The following MINPP1 variants were observed in gnomAD, a reference collection of about 807,000 sequenced individuals.
MINPP1 encodes multiple inositol polyphosphate phosphatase 1.
Under a neutral mutation model 46.1 loss-of-function variants are expected in MINPP1, and 28 were observed. The ratio of observed to expected loss-of-function variants is 0.61; its 90% CI spans 0.45 to 0.83. The LOEUF (loss-of-function observed/expected upper bound fraction) is 0.83. Among genes scored for constraint, MINPP1 ranks in the 40% least tolerant of loss-of-function variants. The pLI, the probability that MINPP1 is intolerant of heterozygous loss-of-function variation, is 0.00. For synonymous variants in MINPP1, 268 were observed against 249.1 expected (o/e 1.08, Z -0.72); for missense variants, 603 against 610.0 (o/e 0.99, Z 0.12).
intron 4 of MINPP1, among the ~76,000 whole-genome samples, chr10:87,541,418 T>G (rs1283931444): frequency 6.6e-6 from 1 of 152,230 alleles, no homozygotes; most frequent in African/African-American, 2.4e-5. Context: ...CCTGAAAAAT[T>G]ATTGGCTAAG....
intron 4 of MINPP1, among the ~76,000 whole-genome samples, chr10:87,529,208 C>T (rs1851622101): frequency 6.6e-6 from 1 of 152,142 alleles, no homozygotes; most frequent in Admixed American, 6.5e-5. Flanking sequence ...AGCCCATTTA[C>T]ATTTAAGGTT....
intron 3 of MINPP1, among the ~76,000 whole-genome samples, chr10:87,518,103 G>T (rs1287032553): frequency 1.3e-5 from 2 of 151,830 alleles, no homozygotes; most frequent in East Asian, 3.9e-4. Flanking sequence ...GGGATTACAG[G>T]CACCCGCCAC....
intron 4 of MINPP1, among the ~76,000 whole-genome samples, chr10:87,524,714 T>C (rs1438345901): frequency 6.6e-6 from 1 of 152,162 alleles, no homozygotes; most frequent in African/African-American, 2.4e-5. Context: ...ATTTCAGTAT[T>C]ATATCTCAGG....
intron 3 of MINPP1, among the ~76,000 whole-genome samples, chr10:87,513,984 C>T (rs554438425): frequency 3.9e-5 from 6 of 152,080 alleles, no homozygotes; most frequent in Admixed American, 2.0e-4. Flanking sequence ...AGACTTCTGA[C>T]GGGTACATCT....
intron 2 of MINPP1, among the ~76,000 whole-genome samples, chr10:87,509,000 G>A (rs1469367770): frequency 1.3e-5 from 2 of 152,164 alleles, no homozygotes; most frequent in Non-Finnish European, 2.9e-5. Flanking sequence ...TAGCAATGCT[G>A]AGAAGATGAG....
At chr10:87,547,004 G>A (rs1159928302) in intron 4 of MINPP1, among the ~76,000 whole-genome samples, 1 of 152,132 alleles carries the variant, frequency 6.6e-6, no homozygotes, top group Non-Finnish European at 1.5e-5. Context: ...TTGCCAAATT[G>A]CATGTTGCTG....
At chr10:87,508,043 C>G in intron 1 of MINPP1, 1 of 1,411,524 alleles carries the variant, frequency 7.1e-7, no homozygotes. Flanking sequence ...CCGTGCCTGA[C>G]AGAAACAGTA....
chr10:87,507,783 C>G (rs1851274324), intron 1 of MINPP1: 1 of 971,948 alleles, frequency 1.0e-6, no homozygotes. Context: ...AAAAGATAAA[C>G]CAATTCACAG....
chr10:87,505,263 T>A lies in MINPP1; in HGVS notation c.348T>A (p.Asp116Glu). 1 of 1,612,112 alleles carries A rather than the reference T, an allele frequency of 6.2e-7. No homozygotes were observed. Among genetic ancestry groups the A allele is most frequent in the Non-Finnish European group, 8.5e-7 (1 of 1,178,764 alleles). ...TGCTGCAGGCCCGCGGGTCCAGGGATGGCGGGGCTAGTAGTACCGGCAGCC... is the reference window on the plus strand; with the variant it reads ...TGCTGCAGGCCCGCGGGTCCAGGGAAGGCGGGGCTAGTAGTACCGGCAGCC... ...HGLLQARGSR[D>E]GGASSTGSRD... Residue 116 changes from aspartate to glutamate, a missense_variant, in exon 1 of 5, where the codon GAT becomes GAA. Physicochemically the swap from Asp to Glu is conservative, Grantham distance 45. This residue lies in a region of MINPP1 where 239 missense variants were observed against 189.4 expected (regional missense o/e 1.26). Transcript: ENST00000371996. The surrounding 1 kb of genome is among the most constrained non-coding windows in gnomAD (Gnocchi z 4.4).
In MINPP1 at chr10:87,534,121, C is replaced by T. The variant is rs578026290; in HGVS notation, c.1067+12952C>T. ...AGGCTGGAGTGCAGTGACATCGTCTCGGCTCACTGCAACCTCTACCTCCCA... is the reference window on the plus strand; with the variant it reads ...AGGCTGGAGTGCAGTGACATCGTCTTGGCTCACTGCAACCTCTACCTCCCA... On this transcript the variant is annotated intron_variant, in intron 4 of 4. Transcript: ENST00000371996. 7.2e-5 allele frequency among the ~76,000 whole-genome samples: 10 copies of T among 139,800 alleles called. No individual in the cohort carries two copies. In the East Asian group the frequency reaches 2.2e-3, roughly 30 times the overall value. 91.7% of individuals were successfully genotyped at this position (139,800 alleles called of 152,430 possible). A position where few individuals can be genotyped will look rare whatever the true frequency, so the allele number is the denominator to read the frequency against.
intron 4 of MINPP1, among the ~76,000 whole-genome samples, chr10:87,549,873 T>C (rs1323529886): frequency 6.6e-6 from 1 of 152,242 alleles, no homozygotes; most frequent in Non-Finnish European, 1.5e-5. Flanking sequence ...CCAGTATATT[T>C]ATATTACTTG....
intron 4 of MINPP1, among the ~76,000 whole-genome samples, chr10:87,538,723 T>A (rs1851772904): frequency 6.6e-6 from 1 of 152,262 alleles, no homozygotes; most frequent in Admixed American, 6.5e-5. Context: ...CAGTTCATGT[T>A]GCTTATTTGT....
rs1362913908 is a variant in MINPP1, at chr10:87,553,016, G to A, written c.*538G>A. 2.0e-5 allele frequency: 3 copies of A among 152,270 alleles called. No homozygotes were observed. The highest frequency in any genetic ancestry group is 4.4e-5 in the Non-Finnish European group (3 of 68,100). The allele number at this position is 152,270 out of a possible 1,614,324, so 9.4% of individuals were successfully genotyped here. On this transcript the variant is annotated 3_prime_UTR_variant, in exon 5 of 5. Coordinates refer to ENST00000371996, the MANE Select transcript of MINPP1 (RefSeq NM_004897.5). ...AATTTGAAACAAGAAACAGAGTGTT[G>A]TAAAAGGACACCTTCACTGAAGCAA...
chr10:87,537,352 T>C (rs1851750902), intron 4 of MINPP1, among the ~76,000 whole-genome samples: 5 of 152,184 alleles, frequency 3.3e-5, no homozygotes, highest in Admixed American at 3.3e-4. Context: ...TTAACCATTC[T>C]AATGGGTGTG....
chr10:87,552,603 G>T lies in MINPP1; in HGVS notation c.*125G>T, dbSNP rs1851981094. 2 of 979,028 alleles carry T rather than the reference G, an allele frequency of 2.0e-6. No homozygotes were observed. Among genetic ancestry groups the T allele is most frequent in the Middle Eastern group, 6.4e-4 (2 of 3,126 alleles). The allele number at this position is 979,028 out of a possible 1,614,324, so 60.6% of individuals were successfully genotyped here. ...ACTTGAGTATTTCTGTCTTTTCACAGAAAAACATTGGGTTTCTCTCTGGGT... is the reference window on the plus strand; with the variant it reads ...ACTTGAGTATTTCTGTCTTTTCACATAAAAACATTGGGTTTCTCTCTGGGT... On this transcript the variant is annotated 3_prime_UTR_variant, in exon 5 of 5. Transcript: ENST00000371996.
chr10:87,513,538 C>G (rs886559196), intron 3 of MINPP1, among the ~76,000 whole-genome samples: 1 of 152,116 alleles, frequency 6.6e-6, no homozygotes, highest in Non-Finnish European at 1.5e-5. Context: ...GATTATAGAG[C>G]TGATATAATC....
chr10:87,542,447 G>T (rs765608021), intron 4 of MINPP1, among the ~76,000 whole-genome samples: 2 of 151,968 alleles, frequency 1.3e-5, no homozygotes, highest in East Asian at 1.9e-4. Context: ...CCTCAGGAGT[G>T]CACCACCATG....
chr10:87,513,117 C>T lies in MINPP1; in HGVS notation c.836-7C>T. 2.5e-6 allele frequency: 4 copies of T among 1,610,752 alleles called. No individual in the cohort carries two copies. The highest frequency in any genetic ancestry group is 3.4e-6 in the Non-Finnish European group (4 of 1,177,266). On this transcript the variant is annotated splice_region_variant and splice_polypyrimidine_tract_variant and intron_variant, in intron 2 of 4. Coordinates refer to ENST00000371996, the MANE Select transcript of MINPP1 (RefSeq NM_004897.5). ...ACCCACAAAATTTTACCTTTTTTTC[C>T]CCCCAGATTTAATTCAAGTAGCCTT...
chr10:87,520,951 C>T (rs532039364), intron 3 of MINPP1, 85 bp from the exon 4 acceptor site: 181 of 668,266 alleles, frequency 2.7e-4, no homozygotes, highest in East Asian at 4.5e-4. Context: ...AACATTGTAA[C>T]CATTTCTTAG....
Sources: allele counts gnomAD v4.1 joint callset (sites outside exome capture counted in the v4.1 genomes callset), GRCh38; gene constraint gnomAD v4.1.1; regional missense constraint gnomAD v4.1.1; non-coding constraint Gnocchi (gnomAD v3.1); transcripts MANE v1.5; gene names NCBI Gene and HGNC (gene_info 2026-07-23, HGNC 2026-07-21).